SOX6: variants seen among roughly 807,000 people sequenced by gnomAD.
The protein encoded by SOX6 is transcription factor SOX-6.
A neutral mutation model predicts 97.8 loss-of-function variants in SOX6; 11 were observed. That is an observed-to-expected ratio of 0.11 (90% CI 0.07 to 0.19). The LOEUF is 0.19. Ranked by LOEUF, SOX6 falls within the 10% of genes least tolerant of loss-of-function variation. The pLI is 1.00. For missense variants in SOX6, 810 were observed against 1,039.5 expected (o/e 0.78, Z 3.04); for synonymous variants, 360 against 371.4 (o/e 0.97, Z 0.35).
intron 4 of SOX6, among the ~76,000 whole-genome samples, chr11:16,526,382 G>C (rs962904092): frequency 4.6e-5 from 7 of 150,936 alleles, no homozygotes; most frequent in African/African-American, 1.2e-4. Flanking sequence ...CTATCGCAAG[G>C]ACAAAAAACC....
intron 3 of SOX6, among the ~76,000 whole-genome samples, chr11:16,693,874 C>T (rs937573052): frequency 6.6e-6 from 1 of 152,044 alleles, no homozygotes; most frequent in Non-Finnish European, 1.5e-5. Context: ...GTCATTTTTT[C>T]TCCAACTCAA....
chr11:16,703,973 C>A (rs1440204270), intron 3 of SOX6, among the ~76,000 whole-genome samples: 1 of 152,136 alleles, frequency 6.6e-6, no homozygotes, highest in Admixed American at 6.5e-5. Context: ...TTTGTCAAAT[C>A]AACAAATCTA....
intron 9 of SOX6, among the ~76,000 whole-genome samples, chr11:16,086,275 G>A (rs548034551): frequency 6.6e-6 from 1 of 152,240 alleles, no homozygotes; most frequent in Non-Finnish European, 1.5e-5. Context: ...TTGTCTCTCT[G>A]AACATGACTT....
At chr11:16,030,350 T>A (rs561893868) in intron 12 of SOX6, among the ~76,000 whole-genome samples, 2 of 152,218 alleles carry the variant, frequency 1.3e-5, no homozygotes, top group Non-Finnish European at 2.9e-5. Flanking sequence ...TTGACAATTA[T>A]AGTTTCTCAA....
chr11:16,175,008 TCTCA>T (rs1851147111), intron 6 of SOX6, among the ~76,000 whole-genome samples: 1 of 151,922 alleles, frequency 6.6e-6, no homozygotes, highest in African/African-American at 2.4e-5. Context: ...CAAACCTTAC[TCTCA>T]CTCACTGACA....
At chr11:16,368,719 A>T (rs1005504107) in intron 1 of SOX6, among the ~76,000 whole-genome samples, 6 of 152,172 alleles carry the variant, frequency 3.9e-5, no homozygotes, top group African/African-American at 1.4e-4. Flanking sequence ...CAACAAAAAA[A>T]ATCAGATAAT....
chr11:16,516,624 C>A (rs1018118458), intron 4 of SOX6, among the ~76,000 whole-genome samples: 2 of 151,298 alleles, frequency 1.3e-5, no homozygotes, highest in African/African-American at 4.9e-5. Context: ...CAAGACTAAA[C>A]CAGGAAGAAG....
chr11:16,629,161 C>T (rs539258692), intron 3 of SOX6, among the ~76,000 whole-genome samples: 7 of 152,262 alleles, frequency 4.6e-5, no homozygotes, highest in Non-Finnish European at 7.4e-5. Flanking sequence ...AGTGGGCATC[C>T]TTGTCTTATT....
At chr11:16,286,112 AGTT>A (rs1159524748) in intron 3 of SOX6, among the ~76,000 whole-genome samples, 2 of 152,274 alleles carry the variant, frequency 1.3e-5, no homozygotes, top group African/African-American at 2.4e-5. Flanking sequence ...ATGAATATCC[AGTT>A]GTTGTCTTAT....
chr11:16,646,881 T>C (rs541351471), intron 3 of SOX6, among the ~76,000 whole-genome samples: 82 of 152,314 alleles, frequency 5.4e-4, no homozygotes, highest in African/African-American at 1.9e-3. Flanking sequence ...TAATGACTTA[T>C]TTTTCTCTGG....
intron 3 of SOX6, among the ~76,000 whole-genome samples, chr11:16,697,376 G>GT (rs1848061684): frequency 6.6e-6 from 1 of 152,150 alleles, no homozygotes; most frequent in Non-Finnish European, 1.5e-5. Flanking sequence ...GCTCATGCCT[G>GT]TAATCCCAGC....
At chr11:15,993,068 G>A (rs1024148149) in intron 13 of SOX6, among the ~76,000 whole-genome samples, 8 of 152,012 alleles carry the variant, frequency 5.3e-5, no homozygotes, top group South Asian at 2.1e-4. Flanking sequence ...AATTGTTGCC[G>A]CAGTAGAAAT....
At chr11:16,312,276 T>G (rs1431931417) in intron 3 of SOX6, 1 of 148,308 alleles carries the variant, frequency 6.7e-6, no homozygotes, top group East Asian at 1.9e-4. Flanking sequence ...TCACAATAAT[T>G]ATTACCTAAA....
chr11:16,566,090 C>T (rs559724110), intron 4 of SOX6, among the ~76,000 whole-genome samples: 19 of 124,860 alleles, frequency 1.5e-4, no homozygotes, highest in African/African-American at 5.0e-4. Flanking sequence ...AGCGAGACTC[C>T]GTCTCAAAAA....
chr11:16,235,895 C>T (rs1372754429), intron 3 of SOX6, among the ~76,000 whole-genome samples: 1 of 152,006 alleles, frequency 6.6e-6, no homozygotes, highest in Non-Finnish European at 1.5e-5. Flanking sequence ...GGTGAAAAAA[C>T]AATTAACATT....
At chr11:16,218,407 T>C (rs945252168) in intron 4 of SOX6, among the ~76,000 whole-genome samples, 1 of 152,154 alleles carries the variant, frequency 6.6e-6, no homozygotes, top group Non-Finnish European at 1.5e-5. Context: ...CACATCAGAA[T>C]AAGAGATTAG....
intron 3 of SOX6, among the ~76,000 whole-genome samples, chr11:16,620,170 T>C (rs542862870): frequency 2.6e-5 from 4 of 152,308 alleles, no homozygotes; most frequent in South Asian, 4.1e-4. Context: ...CAAGGAGAAA[T>C]TTGTAAAACT....
intron 9 of SOX6, among the ~76,000 whole-genome samples, chr11:16,068,301 A>G (rs1326968394): frequency 6.6e-6 from 1 of 152,240 alleles, no homozygotes; most frequent in African/African-American, 2.4e-5. Context: ...GCTGTGAGAA[A>G]GTGGAAATGG....
intron 3 of SOX6, among the ~76,000 whole-genome samples, chr11:16,668,594 A>C (rs974836452): frequency 1.3e-5 from 2 of 152,208 alleles, no homozygotes; most frequent in Admixed American, 1.3e-4. Flanking sequence ...TAAACTTTCC[A>C]GTCAAAGACA....
Sources: allele counts gnomAD v4.1 joint callset (sites outside exome capture counted in the v4.1 genomes callset), GRCh38; gene constraint gnomAD v4.1.1; transcripts MANE v1.5; gene names NCBI Gene and HGNC (gene_info 2026-07-23, HGNC 2026-07-21).